PADI4: variants seen among roughly 807,000 people sequenced by gnomAD.
PADI4 encodes peptidyl arginine deiminase 4.
In PADI4, 62 loss-of-function variants were observed where a neutral mutation model predicts 75.0. The ratio of observed to expected loss-of-function variants is 0.83; its 90% CI spans 0.67 to 1.02. The LOEUF (loss-of-function observed/expected upper bound fraction) is 1.02. Among genes scored for constraint, PADI4 ranks in the 50% least tolerant of loss-of-function variants. The pLI, the probability that PADI4 is intolerant of heterozygous loss-of-function variation, is 0.00. For missense variants in PADI4, 845 were observed against 850.5 expected (o/e 0.99, Z 0.08); for synonymous variants, 361 against 348.1 (o/e 1.04, Z -0.41).
chr1:17,346,259 G>A lies in PADI4; in HGVS notation c.1047+120G>A, dbSNP rs983217215. On this transcript the variant is annotated intron_variant, in intron 9 of 15. Coordinates refer to ENST00000375448, the MANE Select transcript of PADI4 (RefSeq NM_012387.3). This position sits in a 1 kb window ranked among gnomAD's most constrained non-coding sequence, Gnocchi z 4.3. Reference sequence around the variant, plus strand: ...CGGCCACTCTTCCTTAGATGGACAGGGAGATAGGAACCTGAGAGATCCTTG... The same window carrying A: ...CGGCCACTCTTCCTTAGATGGACAGAGAGATAGGAACCTGAGAGATCCTTG... 1.6e-6 allele frequency: 1 copy of A among 635,466 alleles called. No homozygotes were observed. Among genetic ancestry groups the A allele is most frequent in the Non-Finnish European group, 2.8e-6 (1 of 353,698 alleles). 39.4% of individuals were successfully genotyped at this position (635,466 alleles called of 1,614,324 possible).
At chr1:17,339,950 G>A (rs2074385471) in intron 6 of PADI4, 137 bp downstream of exon 6, 1 of 876,840 alleles carries the variant, frequency 1.1e-6, no homozygotes, top group Non-Finnish European at 1.7e-6. Context: ...CAGTGGGCAA[G>A]ACAGACGACA....
intron 1 of PADI4, among the ~76,000 whole-genome samples, chr1:17,319,801 T>TA: frequency 6.6e-6 from 1 of 152,260 alleles, no homozygotes; most frequent in East Asian, 1.9e-4. Context: ...ATCGGCCTCA[T>TA]TTGAACATGG....
At chr1:17,343,234 A>T (rs577321088) in intron 8 of PADI4, among the ~76,000 whole-genome samples, 25 of 152,272 alleles carry the variant, frequency 1.6e-4, no homozygotes, top group East Asian at 7.7e-4. Context: ...AAATTAAATT[A>T]AATTTAAATT....
intron 10 of PADI4, among the ~76,000 whole-genome samples, chr1:17,351,984 G>GGTGGGAA (rs377400419): frequency 0.042 from 2,819 of 67,284 alleles, 281 homozygotes; most frequent in South Asian, 0.082. Context: ...GGTGATGGGA[G>GGTGGGAA]GAGAGGCAGT....
At chr1:17,344,549 T>C (rs2074480927) in intron 8 of PADI4, among the ~76,000 whole-genome samples, 1 of 152,138 alleles carries the variant, frequency 6.6e-6, no homozygotes, top group Admixed American at 6.5e-5. Flanking sequence ...GAGAAAATGG[T>C]TTCGTAGGCC....
At chr1:17,342,549 G>A in intron 8 of PADI4, 147 bp downstream of exon 8, 1 of 616,760 alleles carries the variant, frequency 1.6e-6, no homozygotes, top group Non-Finnish European at 2.9e-6. Flanking sequence ...AAAAGGCAGG[G>A]AAGTTCCCTA....
At chr1:17,336,081 C>G in intron 3 of PADI4, 78 bp from the exon 4 acceptor site, 1 of 946,102 alleles carries the variant, frequency 1.1e-6, no homozygotes, top group African/African-American at 1.6e-5. Flanking sequence ...GGGGAAACGA[C>G]CTGCCCATTC....
At position 17,359,273 on chromosome 1, in the gene PADI4, C is replaced by A; in HGVS notation, c.1630-7C>A. 6 of 1,485,768 alleles carry A rather than the reference C, an allele frequency of 4.0e-6. No individual in the cohort carries two copies. The highest frequency in any genetic ancestry group is 5.5e-6 in the Non-Finnish European group (6 of 1,089,946). The allele number at this position is 1,485,768 out of a possible 1,614,324, so 92.0% of individuals were successfully genotyped here. ...CCCCCACTCACTGCCCCTGCCCCTT[C>A]CCCAAGAGATGCATCGACTGGAACC... On this transcript the variant is annotated splice_region_variant and splice_polypyrimidine_tract_variant and intron_variant, in intron 14 of 15. Coordinates refer to ENST00000375448, the MANE Select transcript of PADI4 (RefSeq NM_012387.3).
Position 17,346,608 on chromosome 1 carries a change from T to C in PADI4, c.1047+469T>C, listed in dbSNP as rs929287303. On this transcript the variant is annotated intron_variant, in intron 9 of 15. Coordinates refer to ENST00000375448, the MANE Select transcript of PADI4 (RefSeq NM_012387.3). The surrounding 1 kb of genome is among the most constrained non-coding windows in gnomAD (Gnocchi z 4.3). ...CCTGGGGCCAGCCTGCCACTGTGCCTGGAAACACATGATTACCAGTCTCTG... is the reference window on the plus strand; with the variant it reads ...CCTGGGGCCAGCCTGCCACTGTGCCCGGAAACACATGATTACCAGTCTCTG... 6.6e-6 allele frequency among the ~76,000 whole-genome samples: 1 copy of C among 152,110 alleles called. No homozygotes were observed. Among genetic ancestry groups the C allele is most frequent in the African/African-American group, 2.4e-5 (1 of 41,422 alleles).
intron 1 of PADI4, among the ~76,000 whole-genome samples, chr1:17,327,581 A>T (rs1164314787): frequency 2.4e-4 from 36 of 150,458 alleles, no homozygotes; most frequent in Non-Finnish European, 1.0e-4. Context: ...TCGCTTTGTC[A>T]CCCAGGCTGG....
rs574384801 is a variant in PADI4, at chr1:17,351,343, C to T, written c.1156-3190C>T. The stretch of plus-strand genomic sequence containing the variant: ...TGGTGGCTCATTCCAGTAATCCCAG[C>T]ACTTCGGGAGGCCAAGGCTGGTGGA... On this transcript the variant is annotated intron_variant, in intron 10 of 15. Coordinates refer to ENST00000375448, the MANE Select transcript of PADI4 (RefSeq NM_012387.3). Among the ~76,000 whole-genome samples the T allele has an allele frequency of 2.0e-5, 3 of 151,078 alleles. No individual in the cohort carries two copies. The South Asian group carries it at 6.3e-4, about 32-fold the overall frequency.
At chr1:17,314,056 G>A (rs76283681) in intron 1 of PADI4, among the ~76,000 whole-genome samples, 2,497 of 152,274 alleles carry the variant, frequency 0.016, 85 homozygotes, top group African/African-American at 0.057. Flanking sequence ...AGCAGAGAGA[G>A]TGGCTATAAA....
intron 1 of PADI4, among the ~76,000 whole-genome samples, chr1:17,316,142 C>A (rs1209608051): frequency 1.3e-5 from 2 of 152,038 alleles, no homozygotes; most frequent in African/African-American, 4.8e-5. Flanking sequence ...GCCTATAATC[C>A]CAACACTTTG....
chr1:17,312,574 AT>A (rs1207575362), intron 1 of PADI4, among the ~76,000 whole-genome samples: 1 of 152,104 alleles, frequency 6.6e-6, no homozygotes, highest in Non-Finnish European at 1.5e-5. Flanking sequence ...CACTGAATAC[AT>A]TTTCCGTGTG....
intron 3 of PADI4, among the ~76,000 whole-genome samples, chr1:17,335,019 T>C (rs1401676369): frequency 6.6e-6 from 1 of 151,962 alleles, no homozygotes; most frequent in African/African-American, 2.4e-5. Context: ...GGCATGTGCC[T>C]GTAGTCCCAG....
At chr1:17,335,439 C>A (rs11585797) in intron 3 of PADI4, among the ~76,000 whole-genome samples, 1 of 152,084 alleles carries the variant, frequency 6.6e-6, no homozygotes, top group Non-Finnish European at 1.5e-5. Context: ...GTCCAGGCCA[C>A]GAAAGGACAA....
At chr1:17,351,978 A>ACAGGAGG (rs1553148959) in intron 10 of PADI4, among the ~76,000 whole-genome samples, 1 of 59,188 alleles carries the variant, frequency 1.7e-5, no homozygotes, top group Admixed American at 1.4e-4. Flanking sequence ...CAGGGAGGTG[A>ACAGGAGG]TGGGAGGAGA....
At chr1:17,323,856 C>A (rs201059925) in intron 1 of PADI4, among the ~76,000 whole-genome samples, 43 of 101,486 alleles carry the variant, frequency 4.2e-4, no homozygotes, top group African/African-American at 1.4e-3. Flanking sequence ...ACAACAACAA[C>A]AACAAAAAAA....
Position 17,341,976 on chromosome 1 carries a change from T to C in PADI4, c.686T>C (p.Leu229Ser). 1 of 1,614,048 alleles carries C rather than the reference T, an allele frequency of 6.2e-7. No individual in the cohort carries two copies. The highest frequency in any genetic ancestry group is 2.2e-5 in the East Asian group (1 of 44,862). Residue 229 changes from leucine (L) to serine (S), a missense_variant, in exon 7 of 16, where the codon TTG becomes TCG. Transcript: ENST00000375448. ...GKLSSKCSVV[L>S]GPKWPSHYLM... ...CTGTCCTCCAAGTGCAGCGTAGTCT[T>C]GGGTCCCAAGTGGCCCTCTCACTAC...
Sources: allele counts gnomAD v4.1 joint callset (sites outside exome capture counted in the v4.1 genomes callset), GRCh38; gene constraint gnomAD v4.1.1; non-coding constraint Gnocchi (gnomAD v3.1); transcripts MANE v1.5; gene names NCBI Gene and HGNC (gene_info 2026-07-23, HGNC 2026-07-21).